Variants in LRRC4C observed in about 807,000 individuals in gnomAD.
LRRC4C encodes the protein leucine rich repeat containing 4C.
Under a neutral mutation model 33.6 loss-of-function variants are expected in LRRC4C, and 5 were observed. The observed-to-expected ratio is 0.15, with a 90% CI of 0.08 to 0.31. The LOEUF is 0.31. Ranked by LOEUF, LRRC4C falls within the 10% of genes least tolerant of loss-of-function variation. The pLI is 1.00. For missense variants in LRRC4C, 560 were observed against 796.7 expected (o/e 0.70, Z 3.58); for synonymous variants, 329 against 302.0 (o/e 1.09, Z -0.93).
At chr11:40,983,426 A>T (rs1042455300) in intron 1 of LRRC4C, among the ~76,000 whole-genome samples, 1 of 152,240 alleles carries the variant, frequency 6.6e-6, no homozygotes, top group African/African-American at 2.4e-5. Context: ...AAGACAACCT[A>T]GGCAATACCA....
chr11:40,788,309 T>C (rs1251891452), intron 2 of LRRC4C, among the ~76,000 whole-genome samples: 1 of 151,692 alleles, frequency 6.6e-6, no homozygotes, highest in Admixed American at 6.6e-5. Context: ...CATTTTTTTT[T>C]CTTCCTCCTC....
chr11:41,202,503 C>A (rs578002325), intron 1 of LRRC4C, among the ~76,000 whole-genome samples: 1 of 152,266 alleles, frequency 6.6e-6, no homozygotes, highest in Non-Finnish European at 1.5e-5. Context: ...AATCACTTTA[C>A]ATACATTATC....
At chr11:40,530,388 G>A (rs1324121726) in intron 3 of LRRC4C, among the ~76,000 whole-genome samples, 2 of 152,046 alleles carry the variant, frequency 1.3e-5, no homozygotes, top group Admixed American at 6.6e-5. Flanking sequence ...AGGAAGATGA[G>A]ATTTTGGGTC....
intron 2 of LRRC4C, among the ~76,000 whole-genome samples, chr11:40,830,810 A>G (rs1475927318): frequency 6.6e-6 from 1 of 152,206 alleles, no homozygotes; most frequent in Non-Finnish European, 1.5e-5. Context: ...ATGCAATAAA[A>G]AGAATTGTTT....
At chr11:40,918,387 T>C (rs1288067934) in intron 2 of LRRC4C, among the ~76,000 whole-genome samples, 1 of 151,446 alleles carries the variant, frequency 6.6e-6, no homozygotes, top group East Asian at 1.9e-4. Flanking sequence ...TATATATTTA[T>C]ATTTATATTT....
intron 1 of LRRC4C, among the ~76,000 whole-genome samples, chr11:41,402,038 C>T (rs1954044849): frequency 6.6e-6 from 1 of 151,910 alleles, no homozygotes; most frequent in African/African-American, 2.4e-5. Flanking sequence ...AAGACATATA[C>T]ATAAAAATGT....
At chr11:40,301,460 T>A (rs1010169759) in intron 4 of LRRC4C, among the ~76,000 whole-genome samples, 1 of 152,226 alleles carries the variant, frequency 6.6e-6, no homozygotes, top group African/African-American at 2.4e-5. Flanking sequence ...ATGGTGTGAA[T>A]CCAGTTGTGT....
At chr11:40,416,445 G>A (rs1448494644) in intron 3 of LRRC4C, among the ~76,000 whole-genome samples, 1 of 152,142 alleles carries the variant, frequency 6.6e-6, no homozygotes, top group African/African-American at 2.4e-5. Context: ...AGCTAGGAAT[G>A]TTTGTGGAAC....
intron 6 of LRRC4C, among the ~76,000 whole-genome samples, chr11:40,137,271 T>G (rs754849066): frequency 2.6e-5 from 4 of 152,190 alleles, no homozygotes; most frequent in Admixed American, 6.5e-5. Flanking sequence ...TCACACTTTC[T>G]CTTCCTAGTA....
intron 3 of LRRC4C, among the ~76,000 whole-genome samples, chr11:40,346,414 C>T (rs1263173236): frequency 1.3e-5 from 2 of 152,048 alleles, no homozygotes; most frequent in East Asian, 1.9e-4. Flanking sequence ...ATAGAAGGAG[C>T]TAGAGGCCAT....
In LRRC4C at chr11:40,603,034, T is replaced by C. The variant is rs143117488; in HGVS notation, c.-270+45108A>G. Reference sequence around the variant, plus strand: ...GGTAATCAGAGTATCTCTTTATGACTGGGAGATCTTGTACCTGAGTCACAA... The same window carrying C: ...GGTAATCAGAGTATCTCTTTATGACCGGGAGATCTTGTACCTGAGTCACAA... On this transcript the variant is annotated intron_variant, in intron 3 of 6. Transcript: ENST00000528697. 6.1e-4 allele frequency among the ~76,000 whole-genome samples: 93 copies of C among 152,152 alleles called. 1 individual carries two copies. Among genetic ancestry groups the C allele is most frequent in the African/African-American group, 2.2e-3 (91 of 41,504 alleles).
intron 1 of LRRC4C, among the ~76,000 whole-genome samples, chr11:41,372,873 T>C (rs1026784701): frequency 6.6e-6 from 1 of 152,158 alleles, no homozygotes; most frequent in South Asian, 2.1e-4. Flanking sequence ...CTAATTTTTT[T>C]ATTCTCTGAA....
Position 41,448,122 on chromosome 11 carries a change from G to GGTTTTTT in LRRC4C, c.-496+11308_-496+11309insAAAAAAC, listed in dbSNP as rs1554934483. Among the ~76,000 whole-genome samples, 61 of 46,898 alleles carry GGTTTTTT rather than the reference G, an allele frequency of 1.3e-3. 3 individuals carry two copies. The highest frequency in any genetic ancestry group is 1.6e-3 in the Non-Finnish European group (36 of 22,908). 30.8% of individuals were successfully genotyped at this position (46,898 alleles called of 152,430 possible). On this transcript the variant is annotated intron_variant, in intron 1 of 6. Coordinates refer to ENST00000528697, the MANE Select transcript of LRRC4C (RefSeq NM_001258419.2). ...ACAAACGAGGCTGCTGCACACGTCT[G>GGTTTTTT]TTTTTTTTTTTTTTTTTTTTGGAGC...
intron 1 of LRRC4C, among the ~76,000 whole-genome samples, chr11:41,164,450 A>T (rs1944629503): frequency 6.6e-6 from 1 of 152,090 alleles, no homozygotes; most frequent in Non-Finnish European, 1.5e-5. Flanking sequence ...GTAAAAGGAG[A>T]ACACTCTAAA....
Position 41,357,740 on chromosome 11 carries a change from C to T in LRRC4C, c.-496+101691G>A, listed in dbSNP as rs12418642. The stretch of plus-strand genomic sequence containing the variant: ...CCATAGCTATAATAACAGAACAAAA[C>T]CATAACTTTATAGTTATTCCAATTT... On this transcript the variant is annotated intron_variant, in intron 1 of 6. Coordinates refer to ENST00000528697, the MANE Select transcript of LRRC4C (RefSeq NM_001258419.2). Among the ~76,000 whole-genome samples, 956 of 152,050 alleles carry T rather than the reference C, an allele frequency of 6.3e-3. 41 individuals are homozygous for T. The East Asian group carries it at 0.066, about 10-fold the overall frequency.
chr11:40,238,794 C>T (rs1865741096), intron 5 of LRRC4C, among the ~76,000 whole-genome samples: 1 of 152,058 alleles, frequency 6.6e-6, no homozygotes, highest in Non-Finnish European at 1.5e-5. Context: ...CATATACCTG[C>T]TGAAAGGCTG....
chr11:40,533,404 ACG>A (rs759537136), intron 3 of LRRC4C, among the ~76,000 whole-genome samples: 6 of 152,102 alleles, frequency 3.9e-5, no homozygotes, highest in Non-Finnish European at 8.8e-5. Flanking sequence ...TTTGGCAGCA[ACG>A]CCAATACGTC....
At chr11:40,146,094 ACT>A (rs1400357853) in intron 5 of LRRC4C, among the ~76,000 whole-genome samples, 2 of 152,102 alleles carry the variant, frequency 1.3e-5, no homozygotes, top group Non-Finnish European at 2.9e-5. Flanking sequence ...AACTGATCTG[ACT>A]CTCCAGTCTG....
chr11:40,781,220 A>T (rs1950199225), intron 2 of LRRC4C, among the ~76,000 whole-genome samples: 1 of 152,196 alleles, frequency 6.6e-6, no homozygotes, highest in Non-Finnish European at 1.5e-5. Context: ...CAGTAAAATC[A>T]GGGTATTATA....
Sources: gnomAD v4.1 joint callset for allele counts (sites outside exome capture counted in the v4.1 genomes callset) on GRCh38, gnomAD v4.1.1 for gene constraint, MANE v1.5 for transcripts, NCBI Gene and HGNC (gene_info 2026-07-23, HGNC 2026-07-21) for gene names.